ZNF84: variants seen among roughly 807,000 people sequenced by gnomAD.
ZNF84 encodes the protein zinc finger protein HPF2.
ZNF84 carries 12 observed loss-of-function variants against 14.8 expected under a neutral mutation model. That is an observed-to-expected ratio of 0.81 (90% CI 0.52 to 1.31). The LOEUF is 1.31. Ranked by LOEUF, ZNF84 falls within the 50% of genes most tolerant of loss-of-function variation. The pLI, the probability that ZNF84 is intolerant of heterozygous loss-of-function variation, is 0.00. For missense variants in ZNF84, 859 were observed against 878.6 expected, an observed-to-expected ratio of 0.98 and a Z score of 0.28; for synonymous variants, 347 against 291.1, an observed-to-expected ratio of 1.19 and a Z score of -1.96.
chr12:133,041,463 A>G lies in ZNF84; in HGVS notation c.-5A>G, dbSNP rs984103767. 4 of 1,614,088 alleles carry G rather than the reference A, an allele frequency of 2.5e-6. No individual in the cohort carries two copies. In the African/African-American group the frequency reaches 4.0e-5, roughly 16 times the overall value. ...CTTGCTGATCATCTCGTACAGCAGC[A>G]GAAAATGACCATGTTACAGGTGAGT... On this transcript the variant is annotated 5_prime_UTR_variant, in exon 2 of 5. Coordinates refer to ENST00000539354, the MANE Select transcript of ZNF84 (RefSeq NM_001289971.2).
chr12:133,051,007 A>C (rs767916974), intron 4 of ZNF84, among the ~76,000 whole-genome samples: 9 of 152,076 alleles, frequency 5.9e-5, no homozygotes, highest in Non-Finnish European at 1.3e-4. Flanking sequence ...CTGCAGCCTC[A>C]AATTCCTGGG....
At chr12:133,052,602 T>G (rs1954090512) in intron 4 of ZNF84, among the ~76,000 whole-genome samples, 1 of 152,240 alleles carries the variant, frequency 6.6e-6, no homozygotes, top group African/African-American at 2.4e-5. Context: ...CCCAAAGTGC[T>G]GAGATTACAG....
chr12:133,054,658 T>C (rs1388653690), intron 4 of ZNF84, among the ~76,000 whole-genome samples: 1 of 151,710 alleles, frequency 6.6e-6, no homozygotes, highest in Non-Finnish European at 1.5e-5. Flanking sequence ...ATTAACTTGA[T>C]TTAATCATTT....
chr12:133,050,726 G>A (rs1954055243), intron 4 of ZNF84: 1 of 394,584 alleles, frequency 2.5e-6, no homozygotes, highest in Non-Finnish European at 4.5e-6. Flanking sequence ...TTTATGAAAT[G>A]TTCCTTTACT....
chr12:133,040,813 C>G (rs1449536855), intron 1 of ZNF84: 1 of 152,046 alleles, frequency 6.6e-6, no homozygotes, highest in Non-Finnish European at 1.5e-5. Flanking sequence ...CCATTTCCTT[C>G]TGAAATGGGT....
intron 2 of ZNF84, 66 bp from the exon 3 acceptor site, chr12:133,047,889 C>G: frequency 6.4e-7 from 1 of 1,568,886 alleles, no homozygotes; most frequent in South Asian, 1.1e-5. Context: ...GCTAAAGCTC[C>G]AATATTTTTT....
chr12:133,050,623 A>T (rs1178568150), intron 4 of ZNF84: 2 of 398,364 alleles, frequency 5.0e-6, no homozygotes, highest in Admixed American at 8.8e-5. Context: ...GTGTTTTTAG[A>T]TATGTAACAT....
Position 133,058,764 on chromosome 12 carries a change from T to C in ZNF84, c.2049T>C (p.Tyr683=). Residue 683 remains tyrosine, a synonymous_variant, in exon 5 of 5, where the codon TAT becomes TAC. Coordinates refer to ENST00000539354, the MANE Select transcript of ZNF84 (RefSeq NM_001289971.2). ...GGACACATACGGGTGAGAAACCCTA[T>C]GGATGCAGTGAATGTAGGAAGGCCT... ...HQRTHTGEKP[Y]GCSECRKAFS... The C allele has an allele frequency of 6.2e-7, 1 of 1,614,026 alleles. No homozygotes were observed. The highest frequency in any genetic ancestry group is 8.5e-7 in the Non-Finnish European group (1 of 1,179,974).
rs1954241020 is a variant in ZNF84 at position 133,060,451 on chromosome 12, G to T, written c.*1519G>T. The T allele has an allele frequency of 6.6e-6, 1 of 152,182 alleles. No individual in the cohort carries two copies. Among genetic ancestry groups the T allele is most frequent in the Non-Finnish European group, 1.5e-5 (1 of 68,018 alleles). 9.4% of individuals were successfully genotyped at this position (152,182 alleles called of 1,614,324 possible). On this transcript the variant is annotated 3_prime_UTR_variant, in exon 5 of 5. Transcript: ENST00000539354. The stretch of plus-strand genomic sequence containing the variant: ...AAACCCATTGTAAGTTGAAAACATT[G>T]TAAGTCAAAAATGCATTTAATACAC...
chr12:133,037,871 C>G (rs1227872083), intron 1 of ZNF84: 2 of 152,354 alleles, frequency 1.3e-5, no homozygotes. Flanking sequence ...CCGCTTGCCG[C>G]GCCGTGGCCC....
chr12:133,055,368 G>C (rs1954136377), intron 4 of ZNF84, among the ~76,000 whole-genome samples: 3 of 152,144 alleles, frequency 2.0e-5, no homozygotes. Flanking sequence ...AGATAGAATA[G>C]TTGTTATAAA....
rs1210481137 is a variant in ZNF84, at chr12:133,058,902, T to C, written c.2187T>C (p.His729=). The C allele has an allele frequency of 2.5e-6, 4 of 1,610,218 alleles. No homozygotes were observed. The highest frequency in any genetic ancestry group is 2.5e-6 in the Non-Finnish European group (3 of 1,178,500). Residue 729 remains histidine (H), a synonymous_variant, in exon 5 of 5, where the codon CAT becomes CAC. Transcript: ENST00000539354. ...AFSQKSQLIN[H]QRTHTVKKS ...CACAGAAGTCACAGCTCATCAATCATCAGAGAACTCATACAGTAAAAAAAT... is the reference window on the plus strand; with the variant it reads ...CACAGAAGTCACAGCTCATCAATCACCAGAGAACTCATACAGTAAAAAAAT...
intron 4 of ZNF84, 82 bp from the exon 5 acceptor site, chr12:133,056,872 A>T: frequency 7.8e-7 from 1 of 1,278,842 alleles, no homozygotes; most frequent in South Asian, 1.5e-5. Context: ...CCAACCCCTC[A>T]ACATAGCATT....
In ZNF84 at chr12:133,047,303, C is replaced by G. The variant is rs1953999641; in HGVS notation, c.16-652C>G. Among the ~76,000 whole-genome samples, 3 of 152,014 alleles carry G rather than the reference C, an allele frequency of 2.0e-5. No homozygotes were observed. In the South Asian group the frequency reaches 6.2e-4, roughly 32 times the overall value. On this transcript the variant is annotated intron_variant, in intron 2 of 4. Coordinates refer to ENST00000539354, the MANE Select transcript of ZNF84 (RefSeq NM_001289971.2). ...TTGGGAAGCCTGTGAAAAAAGTGTT[C>G]TCACACTTGCATGCCTGATAAAAAT...
chr12:133,038,124 A>G (rs1217157686), intron 1 of ZNF84, among the ~76,000 whole-genome samples: 2 of 152,066 alleles, frequency 1.3e-5, no homozygotes, highest in Non-Finnish European at 1.5e-5. Context: ...TTTTGTAGAC[A>G]TTCTTAGGGT....
At chr12:133,042,035 A>T (rs1014610199) in intron 2 of ZNF84, among the ~76,000 whole-genome samples, 6 of 152,224 alleles carry the variant, frequency 3.9e-5, no homozygotes, top group Admixed American at 1.3e-4. Flanking sequence ...GAGTAGCATG[A>T]TGAACTCTTG....
At position 133,059,221 on chromosome 12, in the gene ZNF84, C is replaced by T. The variant is rs1226183457; in HGVS notation, c.*289C>T. ...CAAAAGCCTTCCAGAAGTCAAGTCT[C>T]TTAAGCTATTAGAAATATTCCCACT... is the stretch of plus-strand genomic sequence containing the variant. On this transcript the variant is annotated 3_prime_UTR_variant, in exon 5 of 5. Coordinates refer to ENST00000539354, the MANE Select transcript of ZNF84 (RefSeq NM_001289971.2). The T allele has an allele frequency of 6.1e-5, 25 of 407,776 alleles. No homozygotes were observed. The highest frequency in any genetic ancestry group is 3.5e-5 in the Non-Finnish European group (8 of 230,884). 25.3% of individuals were successfully genotyped at this position (407,776 alleles called of 1,614,324 possible).
At position 133,057,487 on chromosome 12, in the gene ZNF84, A is replaced by G; in HGVS notation, c.772A>G (p.Thr258Ala). ...GTTTATTACACATCACAGAACTCAT[A>G]CAGGAGAAAAACCTTATAATTGTAG... ...SQFITHHRTH[T>A]GEKPYNCSQC... Residue 258 changes from threonine (T) to alanine (A), a missense_variant, in exon 5 of 5, where the codon ACA becomes GCA. Coordinates refer to ENST00000539354, the MANE Select transcript of ZNF84 (RefSeq NM_001289971.2). The G allele has an allele frequency of 3.1e-6, 5 of 1,614,256 alleles. No homozygotes were observed. Among genetic ancestry groups the G allele is most frequent in the Non-Finnish European group, 4.2e-6 (5 of 1,180,040 alleles).
intron 2 of ZNF84, among the ~76,000 whole-genome samples, chr12:133,046,986 T>TATAA (rs1953994358): frequency 6.8e-6 from 1 of 146,688 alleles, no homozygotes; most frequent in South Asian, 2.1e-4. Context: ...TATATATATA[T>TATAA]AATACAGGTC....
Sources: allele counts gnomAD v4.1 joint callset (sites outside exome capture counted in the v4.1 genomes callset), GRCh38; gene constraint gnomAD v4.1.1; transcripts MANE v1.5; gene names NCBI Gene and HGNC (gene_info 2026-07-23, HGNC 2026-07-21).